The following ATP9A variants were observed in gnomAD, a reference collection of about 807,000 sequenced individuals.
ATP9A encodes the protein ATPase phospholipid transporting 9A.
Under a neutral mutation model 144.1 loss-of-function variants are expected in ATP9A, and 52 were observed. The observed-to-expected ratio is 0.36, with a 90% CI of 0.29 to 0.45. ATP9A has a LOEUF of 0.45. Ranked by LOEUF, ATP9A falls within the 20% of genes least tolerant of loss-of-function variation. The pLI is 1.00. For synonymous variants in ATP9A, 582 were observed against 557.4 expected (o/e 1.04, Z -0.62); for missense variants, 947 against 1,392.7 (o/e 0.68, Z 5.09).
chr20:51,746,280 G>A (rs2077807755), intron 1 of ATP9A, among the ~76,000 whole-genome samples: 1 of 152,202 alleles, frequency 6.6e-6, no homozygotes, highest in Admixed American at 6.5e-5. Context: ...GTTTACTGAT[G>A]TAACCTCAGG....
At chr20:51,695,818 C>G (rs1462435783) in intron 6 of ATP9A, among the ~76,000 whole-genome samples, 1 of 152,106 alleles carries the variant, frequency 6.6e-6, no homozygotes, top group Non-Finnish European at 1.5e-5. Context: ...TTAACACAGC[C>G]GGGAGAGGAA....
intron 13 of ATP9A, among the ~76,000 whole-genome samples, chr20:51,664,798 C>T (rs2077425704): frequency 6.6e-6 from 1 of 151,782 alleles, no homozygotes; most frequent in South Asian, 2.1e-4. Context: ...CAGCTCACTT[C>T]AACCTCCACC....
At chr20:51,727,318 G>A (rs2077719110) in intron 2 of ATP9A, among the ~76,000 whole-genome samples, 1 of 151,754 alleles carries the variant, frequency 6.6e-6, no homozygotes, top group South Asian at 2.1e-4. Flanking sequence ...AGACGTGGTG[G>A]TACATGCCTG....
chr20:51,659,905 C>T (rs966106206), intron 13 of ATP9A, among the ~76,000 whole-genome samples: 1 of 152,228 alleles, frequency 6.6e-6, no homozygotes, highest in Non-Finnish European at 1.5e-5. Flanking sequence ...ACGAGTTTCA[C>T]TTCCAGGCCA....
chr20:51,711,304 T>C (rs982205108), intron 4 of ATP9A, among the ~76,000 whole-genome samples: 2 of 152,132 alleles, frequency 1.3e-5, no homozygotes, highest in South Asian at 2.1e-4. Flanking sequence ...CCTTGGGAAA[T>C]ATAATTAAAA....
intron 18 of ATP9A, among the ~76,000 whole-genome samples, chr20:51,622,770 T>C (rs1001521260): frequency 2.0e-5 from 3 of 152,170 alleles, no homozygotes; most frequent in African/African-American, 7.2e-5. Flanking sequence ...AGGCCCAGAA[T>C]CCGGGTCTTT....
At chr20:51,643,016 A>G (rs893433608) in intron 14 of ATP9A, among the ~76,000 whole-genome samples, 1 of 152,084 alleles carries the variant, frequency 6.6e-6, no homozygotes, top group African/African-American at 2.4e-5. Context: ...GTAGATGACT[A>G]TTTCTCATTT....
intron 1 of ATP9A, among the ~76,000 whole-genome samples, chr20:51,753,390 G>A (rs1004200220): frequency 1.3e-5 from 2 of 152,074 alleles, no homozygotes; most frequent in Non-Finnish European, 2.9e-5. Flanking sequence ...GGCGGAGGTT[G>A]CAGTGAGCCG....
intron 1 of ATP9A, among the ~76,000 whole-genome samples, chr20:51,744,857 T>G (rs1036347883): frequency 6.6e-6 from 1 of 152,164 alleles, no homozygotes; most frequent in Non-Finnish European, 1.5e-5. Context: ...TAGCCAGATA[T>G]GGTGGCTCAT....
At chr20:51,643,544 G>A (rs535416762) in intron 14 of ATP9A, among the ~76,000 whole-genome samples, 7 of 152,066 alleles carry the variant, frequency 4.6e-5, no homozygotes, top group South Asian at 4.2e-4. Flanking sequence ...GAGGTCCCTC[G>A]CTCCTTCTGC....
intron 6 of ATP9A, among the ~76,000 whole-genome samples, chr20:51,694,714 T>C (rs1443822289): frequency 3.9e-5 from 6 of 152,222 alleles, no homozygotes; most frequent in African/African-American, 1.4e-4. Context: ...GGCTGGCACA[T>C]TTCAGAGGTG....
At chr20:51,660,502 C>T (rs188513288) in intron 13 of ATP9A, among the ~76,000 whole-genome samples, 2 of 152,324 alleles carry the variant, frequency 1.3e-5, no homozygotes, top group Admixed American at 1.3e-4. Context: ...CTATGATAGC[C>T]TGACCAACAT....
Position 51,601,204 on chromosome 20 carries a change from G to A in ATP9A, c.*7C>T, listed in dbSNP as rs200367556. ...AAGACCAGGGCCCCCTCCAGCGAAC[G>A]CACGGCCTATGATGTGAGCTTTGAG... On this transcript the variant is annotated 3_prime_UTR_variant, in exon 28 of 28. Coordinates refer to ENST00000338821, the MANE Select transcript of ATP9A (RefSeq NM_006045.3). The A allele has an allele frequency of 4.0e-4, 634 of 1,597,050 alleles. No individual in the cohort carries two copies. The highest frequency in any genetic ancestry group is 5.2e-4 in the Non-Finnish European group (607 of 1,171,392).
chr20:51,726,237 C>T lies in ATP9A; in HGVS notation c.214-305G>A, dbSNP rs183272445. On this transcript the variant is annotated intron_variant, in intron 2 of 27. Coordinates refer to ENST00000338821, the MANE Select transcript of ATP9A (RefSeq NM_006045.3). ...CTGAAGCAGGAGAATTGCTTGAACC[C>T]GGGAGGAGGAAGTTGCAGTGAGCCA... Among the ~76,000 whole-genome samples, 9 of 143,776 alleles carry T rather than the reference C, an allele frequency of 6.3e-5. No individual in the cohort carries two copies. The East Asian group carries it at 1.6e-3, about 25-fold the overall frequency. The allele number at this position is 143,776 out of a possible 152,430, so 94.3% of individuals were successfully genotyped here.
Position 51,599,873 on chromosome 20 carries a change from T to C in ATP9A, c.*1338A>G, listed in dbSNP as rs889959505. ...TAAAGATCCACCAACTTAACCCTTA[T>C]GGCATGCATATGTGGCTTCTGCAAG... On this transcript the variant is annotated 3_prime_UTR_variant, in exon 28 of 28. Transcript: ENST00000338821. The C allele has an allele frequency of 6.6e-6, 1 of 152,234 alleles. No homozygotes were observed. The highest frequency in any genetic ancestry group is 1.5e-5 in the Non-Finnish European group (1 of 68,032). The allele number at this position is 152,234 out of a possible 1,614,324, so 9.4% of individuals were successfully genotyped here. A position where few individuals can be genotyped will look rare whatever the true frequency, so the allele number is the denominator to read the frequency against.
intron 27 of ATP9A, among the ~76,000 whole-genome samples, chr20:51,601,818 A>T (rs891574148): frequency 6.6e-6 from 1 of 152,134 alleles, no homozygotes; most frequent in African/African-American, 2.4e-5. Context: ...AGGTGGGAGG[A>T]TCATCTGAGC....
chr20:51,617,957 C>T (rs545994964), intron 21 of ATP9A, among the ~76,000 whole-genome samples: 33 of 152,276 alleles, frequency 2.2e-4, no homozygotes, highest in African/African-American at 7.2e-4. Context: ...CAGTGGCTCA[C>T]GACTATAATC....
At position 51,752,417 on chromosome 20, in the gene ATP9A, G is replaced by A. The variant is rs943338636; in HGVS notation, c.68+15885C>T. On this transcript the variant is annotated intron_variant, in intron 1 of 27. Coordinates refer to ENST00000338821, the MANE Select transcript of ATP9A (RefSeq NM_006045.3). Reference sequence around the variant, plus strand: ...CCCCACACTGTCAGGGATTTCTCTCGCACGTGTTGACCACTATATCCCTAA... The same window carrying A: ...CCCCACACTGTCAGGGATTTCTCTCACACGTGTTGACCACTATATCCCTAA... Among the ~76,000 whole-genome samples, 10 of 152,192 alleles carry A rather than the reference G, an allele frequency of 6.6e-5. No individual in the cohort carries two copies. In the South Asian group the frequency reaches 1.0e-3, roughly 16 times the overall value.
At chr20:51,663,480 C>T (rs2077419466) in intron 13 of ATP9A, among the ~76,000 whole-genome samples, 1 of 152,028 alleles carries the variant, frequency 6.6e-6, no homozygotes, top group South Asian at 2.1e-4. Context: ...CCAGAGAAAA[C>T]CACACTGACA....
Sources: allele counts gnomAD v4.1 joint callset (sites outside exome capture counted in the v4.1 genomes callset), GRCh38; gene constraint gnomAD v4.1.1; transcripts MANE v1.5; gene names NCBI Gene and HGNC (gene_info 2026-07-23, HGNC 2026-07-21).